Variants in KIF16B observed in about 807,000 individuals in gnomAD.
KIF16B encodes the protein kinesin family member 16B.
KIF16B carries 98 observed loss-of-function variants against 156.3 expected under a neutral mutation model. That is an observed-to-expected ratio of 0.63 (90% CI 0.53 to 0.74). The LOEUF (loss-of-function observed/expected upper bound fraction) is 0.74, where lower values mean the gene tolerates loss of function less well. Ranked by LOEUF, KIF16B falls within the 30% of genes least tolerant of loss-of-function variation. The pLI is 0.00. For missense variants in KIF16B, 1,421 were observed against 1,606.5 expected, an observed-to-expected ratio of 0.88 and a Z score of 1.97; for synonymous variants, 564 against 583.7, an observed-to-expected ratio of 0.97 and a Z score of 0.49.
chr20:16,543,134 T>A (rs1299824119), intron 1 of KIF16B, among the ~76,000 whole-genome samples: 1 of 152,184 alleles, frequency 6.6e-6, no homozygotes, highest in Non-Finnish European at 1.5e-5. Flanking sequence ...TCAACTGGGT[T>A]TGGGACCACT....
intron 1 of KIF16B, among the ~76,000 whole-genome samples, chr20:16,532,936 G>C (rs1263771872): frequency 6.6e-6 from 1 of 152,106 alleles, no homozygotes; most frequent in Non-Finnish European, 1.5e-5. Context: ...AAATTTAAAG[G>C]GCCCTCCACA....
At chr20:16,541,419 C>T (rs990538114) in intron 1 of KIF16B, among the ~76,000 whole-genome samples, 1 of 152,222 alleles carries the variant, frequency 6.6e-6, no homozygotes, top group Non-Finnish European at 1.5e-5. Flanking sequence ...CTGGCACAGC[C>T]TCCACTCCGT....
chr20:16,445,899 T>G (rs2066918425), intron 12 of KIF16B, among the ~76,000 whole-genome samples: 1 of 152,170 alleles, frequency 6.6e-6, no homozygotes, highest in African/African-American at 2.4e-5. Context: ...TTTTCTACTT[T>G]ATTATGTTAG....
At chr20:16,407,603 T>G (rs1419158668) in intron 15 of KIF16B, among the ~76,000 whole-genome samples, 2 of 152,020 alleles carry the variant, frequency 1.3e-5, no homozygotes, top group East Asian at 3.9e-4. Flanking sequence ...GTCTAAGCTA[T>G]AGAAAGGAGA....
At chr20:16,494,760 C>A (rs2068398368) in intron 11 of KIF16B, among the ~76,000 whole-genome samples, 1 of 151,960 alleles carries the variant, frequency 6.6e-6, no homozygotes, top group African/African-American at 2.4e-5. Context: ...ATTAAATCAC[C>A]TTGGATGCTG....
chr20:16,500,053 A>C (rs2068573037), intron 10 of KIF16B, among the ~76,000 whole-genome samples: 1 of 152,160 alleles, frequency 6.6e-6, no homozygotes, highest in Admixed American at 6.5e-5. Flanking sequence ...CACCCTCATC[A>C]ATATACTGTA....
At position 16,545,394 on chromosome 20, in the gene KIF16B, G is replaced by C. The variant is rs183214230; in HGVS notation, c.48-16954C>G. ...TAAAAAAAAAAAAAGGCCAGGAGAGGTGGCTCCCGCCTGTAATCCCAGCAC... is the reference window on the plus strand; with the variant it reads ...TAAAAAAAAAAAAAGGCCAGGAGAGCTGGCTCCCGCCTGTAATCCCAGCAC... On this transcript the variant is annotated intron_variant, in intron 1 of 25. Coordinates refer to ENST00000354981, the MANE Select transcript of KIF16B (RefSeq NM_024704.5). 4.1e-3 allele frequency among the ~76,000 whole-genome samples: 620 copies of C among 151,590 alleles called. 8 individuals carry two copies. Among genetic ancestry groups the C allele is most frequent in the African/African-American group, 0.014 (589 of 41,372 alleles).
At chr20:16,377,380 G>A (rs569018322) in intron 19 of KIF16B, among the ~76,000 whole-genome samples, 1 of 149,956 alleles carries the variant, frequency 6.7e-6, no homozygotes, top group Non-Finnish European at 1.5e-5. Context: ...GGCAACACAG[G>A]GAAACCCCAT....
At chr20:16,471,022 T>C (rs2067648374) in intron 12 of KIF16B, among the ~76,000 whole-genome samples, 1 of 151,738 alleles carries the variant, frequency 6.6e-6, no homozygotes, top group South Asian at 2.1e-4. Flanking sequence ...AAATGGGAAG[T>C]GGAAAAAAGA....
intron 15 of KIF16B, among the ~76,000 whole-genome samples, chr20:16,409,719 C>CG (rs2065872115): frequency 6.6e-6 from 1 of 151,014 alleles, no homozygotes; most frequent in Admixed American, 6.6e-5. Context: ...AAAGAGGAGA[C>CG]GGGGGTGAGG....
chr20:16,323,127 T>A (rs1479107445), intron 24 of KIF16B, among the ~76,000 whole-genome samples: 1 of 152,052 alleles, frequency 6.6e-6, no homozygotes, highest in African/African-American at 2.4e-5. Flanking sequence ...TGTTAACACC[T>A]GATAAAAGTG....
At chr20:16,425,632 G>A (rs946377452) in intron 15 of KIF16B, among the ~76,000 whole-genome samples, 2 of 152,040 alleles carry the variant, frequency 1.3e-5, no homozygotes, top group South Asian at 4.2e-4. Context: ...GAAGAAAAGA[G>A]TAACTCCCCA....
chr20:16,551,141 T>C (rs2070641918), intron 1 of KIF16B, among the ~76,000 whole-genome samples: 1 of 151,400 alleles, frequency 6.6e-6, no homozygotes, highest in East Asian at 1.9e-4. Flanking sequence ...TCTTTTTTTT[T>C]TTTTTTTGAG....
chr20:16,444,691 T>C (rs561391231), intron 12 of KIF16B, among the ~76,000 whole-genome samples: 4 of 152,364 alleles, frequency 2.6e-5, no homozygotes, highest in Non-Finnish European at 5.9e-5. Context: ...AATTCCATTT[T>C]TTTGTATCTA....
intron 23 of KIF16B, among the ~76,000 whole-genome samples, chr20:16,345,417 T>C (rs563476260): frequency 3.6e-4 from 55 of 152,360 alleles, no homozygotes; most frequent in Admixed American, 3.1e-3. Context: ...CATTTTCTAA[T>C]TACTTTTTCA....
At chr20:16,335,295 C>T (rs1029705035) in intron 24 of KIF16B, among the ~76,000 whole-genome samples, 1 of 152,200 alleles carries the variant, frequency 6.6e-6, no homozygotes, top group African/African-American at 2.4e-5. Context: ...GGAAAACACA[C>T]ATTCCTTCTA....
intron 1 of KIF16B, among the ~76,000 whole-genome samples, chr20:16,556,487 G>A (rs970507051): frequency 4.6e-5 from 7 of 152,084 alleles, no homozygotes; most frequent in African/African-American, 1.7e-4. Flanking sequence ...TGCCTCTTGC[G>A]CAAATCACTG....
chr20:16,544,685 G>T (rs2070339215), intron 1 of KIF16B, among the ~76,000 whole-genome samples: 1 of 151,002 alleles, frequency 6.6e-6, no homozygotes, highest in African/African-American at 2.4e-5. Context: ...TCTTCTGGGT[G>T]ACATTCCATA....
At position 16,526,115 on chromosome 20, in the gene KIF16B, G is replaced by C; in HGVS notation, c.208C>G (p.Pro70Ala). ...ACCATTTCTTGTGAAACGTAATCTG[G>C]GCTTTTTGTATCAGCAGAATAAAAA... ...FSFYSADTKS[P>A]DYVSQEMVFK... Residue 70 changes from proline to alanine, a missense_variant, in exon 3 of 26, where the codon CCA (proline) becomes GCA (alanine). Pro to Ala is a conservative substitution (Grantham distance 27). Coordinates refer to ENST00000354981, the MANE Select transcript of KIF16B (RefSeq NM_024704.5). The C allele has an allele frequency of 6.3e-7, 1 of 1,597,272 alleles. No individual in the cohort carries two copies. The highest frequency in any genetic ancestry group is 8.5e-7 in the Non-Finnish European group (1 of 1,169,834).
Sources: gnomAD v4.1 joint callset for allele counts (sites outside exome capture counted in the v4.1 genomes callset) on GRCh38, gnomAD v4.1.1 for gene constraint, MANE v1.5 for transcripts, NCBI Gene and HGNC (gene_info 2026-07-23, HGNC 2026-07-21) for gene names.